CENPP: variants seen among roughly 807,000 people sequenced by gnomAD.
The protein encoded by CENPP is centromere protein P.
CENPP carries 24 observed loss-of-function variants against 35.6 expected under a neutral mutation model. The observed-to-expected ratio is 0.67, with a 90% CI of 0.49 to 0.95. The LOEUF (loss-of-function observed/expected upper bound fraction) is 0.95, where lower values mean the gene tolerates loss of function less well. Ranked by LOEUF, CENPP falls within the 40% of genes least tolerant of loss-of-function variation. The pLI is 0.00. For synonymous variants in CENPP, 120 were observed against 125.5 expected (o/e 0.96, Z 0.29); for missense variants, 332 against 345.3 (o/e 0.96, Z 0.31).
At chr9:92,562,484 G>A (rs530902007) in intron 5 of CENPP, among the ~76,000 whole-genome samples, 5 of 152,166 alleles carry the variant, frequency 3.3e-5, no homozygotes, top group Non-Finnish European at 7.4e-5. Flanking sequence ...GGGATTACAG[G>A]TATGAGCCAC....
chr9:92,538,840 T>A (rs536938166), intron 5 of CENPP, among the ~76,000 whole-genome samples: 19 of 152,220 alleles, frequency 1.2e-4, no homozygotes, highest in Non-Finnish European at 2.6e-4. Context: ...CAGGGCCATC[T>A]GCCTATGAAG....
intron 5 of CENPP, among the ~76,000 whole-genome samples, chr9:92,437,124 C>T (rs2130996347): frequency 1.3e-5 from 2 of 152,258 alleles, no homozygotes; most frequent in South Asian, 4.1e-4. Context: ...ATCGCTCAAA[C>T]CCAGGGGTCG....
rs565632070 is a variant in CENPP at position 92,584,751 on chromosome 9, C to A, written c.565-26563C>A. On this transcript the variant is annotated intron_variant, in intron 5 of 7. Coordinates refer to ENST00000375587, the MANE Select transcript of CENPP (RefSeq NM_001012267.3). ...AAGCTCTAGAGTCTTTAAATTAAAA[C>A]ATCTATATAAAAATTTCCCTATTTT... Among the ~76,000 whole-genome samples, 3 of 152,304 alleles carry A rather than the reference C, an allele frequency of 2.0e-5. No homozygotes were observed. The South Asian group carries it at 6.2e-4, about 32-fold the overall frequency.
intron 5 of CENPP, among the ~76,000 whole-genome samples, chr9:92,584,151 C>T (rs1850491431): frequency 6.6e-6 from 1 of 152,220 alleles, no homozygotes; most frequent in South Asian, 2.1e-4. Flanking sequence ...TCATGAGGTA[C>T]CATTCAAATG....
intron 5 of CENPP, among the ~76,000 whole-genome samples, chr9:92,390,376 T>A (rs1001482833): frequency 2.6e-5 from 4 of 152,234 alleles, no homozygotes; most frequent in Non-Finnish European, 5.9e-5. Context: ...TTGTTGCAAA[T>A]CATGGAAAGG....
At chr9:92,347,553 G>T (rs1406201459) in intron 4 of CENPP, among the ~76,000 whole-genome samples, 1 of 152,100 alleles carries the variant, frequency 6.6e-6, no homozygotes, top group African/African-American at 2.4e-5. Flanking sequence ...TATCTCTGCT[G>T]TTATGCAATT....
At chr9:92,432,261 G>T (rs950628018) in intron 5 of CENPP, among the ~76,000 whole-genome samples, 1 of 151,966 alleles carries the variant, frequency 6.6e-6, no homozygotes, top group Non-Finnish European at 1.5e-5. Context: ...GGAGGCAGAG[G>T]TTGCAGTGAG....
intron 5 of CENPP, chr9:92,494,283 T>G: frequency 5.5e-6 from 4 of 724,542 alleles, no homozygotes; most frequent in Non-Finnish European, 8.7e-6. Flanking sequence ...GTTTACAGCT[T>G]AGATTGCCTT....
chr9:92,579,862 G>T (rs1220640213), intron 5 of CENPP, among the ~76,000 whole-genome samples: 1 of 146,284 alleles, frequency 6.8e-6, no homozygotes, highest in Non-Finnish European at 1.5e-5. Flanking sequence ...GTGAGAGAGG[G>T]CATCCCTGTC....
chr9:92,375,516 T>C (rs2130860324), intron 4 of CENPP, among the ~76,000 whole-genome samples: 1 of 152,170 alleles, frequency 6.6e-6, no homozygotes, highest in Non-Finnish European at 1.5e-5. Context: ...TAGGCTGGTC[T>C]CAAACTCCTG....
intron 5 of CENPP, among the ~76,000 whole-genome samples, chr9:92,586,529 G>A (rs1175610425): frequency 1.3e-5 from 2 of 152,068 alleles, no homozygotes; most frequent in East Asian, 1.9e-4. Context: ...ATACGTGCCC[G>A]GTATTGGATA....
Position 92,515,003 on chromosome 9 carries a change from T to C in CENPP, c.565-96311T>C, listed in dbSNP as rs777366912. The C allele has an allele frequency of 3.1e-6, 5 of 1,614,040 alleles. No individual in the cohort carries two copies. The African/African-American group carries it at 4.0e-5, about 13-fold the overall frequency. On this transcript the variant is annotated intron_variant, in intron 5 of 7. Coordinates refer to ENST00000375587, the MANE Select transcript of CENPP (RefSeq NM_001012267.3). ...TGATTTCTAGATTCAGGGGTCTCTCTCTTTTGCTCTGTATCTTCTTCTTTC... is the reference window on the plus strand; with the variant it reads ...TGATTTCTAGATTCAGGGGTCTCTCCCTTTTGCTCTGTATCTTCTTCTTTC...
At chr9:92,496,541 A>C (rs1176485129) in intron 5 of CENPP, 1 of 1,558,576 alleles carries the variant, frequency 6.4e-7, no homozygotes, top group Non-Finnish European at 8.6e-7. Context: ...TGCCTTTAGG[A>C]GTTAAGTTTA....
At chr9:92,587,442 C>T (rs1302676712) in intron 5 of CENPP, among the ~76,000 whole-genome samples, 1 of 151,928 alleles carries the variant, frequency 6.6e-6, no homozygotes, top group Non-Finnish European at 1.5e-5. Context: ...GCACTCCAGC[C>T]TGGGCAACAA....
intron 5 of CENPP, among the ~76,000 whole-genome samples, chr9:92,572,347 A>G (rs1850164919): frequency 6.6e-6 from 1 of 152,148 alleles, no homozygotes; most frequent in African/African-American, 2.4e-5. Context: ...TTCACTTATG[A>G]AGTTTAGTTT....
rs371298836 is a variant in CENPP at position 92,537,423 on chromosome 9, G to A, written c.565-73891G>A. On this transcript the variant is annotated intron_variant, in intron 5 of 7. Transcript: ENST00000375587. ...CACCTGTAATCCCAGCACTTTGGGA[G>A]GCAGAGACAGGTGGATCACCTGAGG... is the stretch of plus-strand genomic sequence containing the variant. Among the ~76,000 whole-genome samples, 284 of 152,218 alleles carry A rather than the reference G, an allele frequency of 1.9e-3. 2 individuals are homozygous for A. Among genetic ancestry groups the A allele is most frequent in the Admixed American group, 3.9e-3 (59 of 15,300 alleles).
Position 92,345,803 on chromosome 9 carries a change from AACTT to A in CENPP, c.467+21_467+24del. The A allele has an allele frequency of 2.7e-6, 4 of 1,505,968 alleles. No homozygotes were observed. Among genetic ancestry groups the A allele is most frequent in the Middle Eastern group, 1.8e-4 (1 of 5,452 alleles). 93.3% of individuals were successfully genotyped at this position (1,505,968 alleles called of 1,614,324 possible). A position where few individuals can be genotyped will look rare whatever the true frequency, so the allele number is the denominator to read the frequency against. On this transcript the variant is annotated intron_variant, in intron 4 of 7. Transcript: ENST00000375587. ...TTGTGTCTAGGTAAGCTATTTTACA[AACTT>A]ACTTTTTTAGAGAAAAAAAGTAAAT... is the stretch of plus-strand genomic sequence containing the variant.
intron 5 of CENPP, among the ~76,000 whole-genome samples, chr9:92,584,474 G>GACTAC (rs1850497981): frequency 6.6e-6 from 1 of 152,128 alleles, no homozygotes; most frequent in East Asian, 1.9e-4. Flanking sequence ...TTAGCTTTCA[G>GACTAC]AGTAGCTAGG....
At chr9:92,505,630 T>C in intron 5 of CENPP, 1 of 1,609,940 alleles carries the variant, frequency 6.2e-7, no homozygotes, top group Non-Finnish European at 8.5e-7. Flanking sequence ...AGCTAAAGGA[T>C]TGACATTGGC....
Sources: allele counts gnomAD v4.1 joint callset (sites outside exome capture counted in the v4.1 genomes callset), GRCh38; gene constraint gnomAD v4.1.1; transcripts MANE v1.5; gene names NCBI Gene and HGNC (gene_info 2026-07-23, HGNC 2026-07-21).